ARFGEF3: variants seen among roughly 807,000 people sequenced by gnomAD.
The protein encoded by ARFGEF3 is brefeldin A-inhibited guanine nucleotide-exchange protein 3.
In ARFGEF3, 96 loss-of-function variants were observed where a neutral mutation model predicts 221.7. The ratio of observed to expected loss-of-function variants is 0.43; its 90% CI spans 0.37 to 0.51. The LOEUF (loss-of-function observed/expected upper bound fraction) is 0.51, where lower values mean the gene tolerates loss of function less well. ARFGEF3 is among the 20% of genes least tolerant of loss of function. The pLI is 0.00. For missense variants in ARFGEF3, 2,410 were observed against 2,789.9 expected, an observed-to-expected ratio of 0.86 and a Z score of 3.07; for synonymous variants, 1,145 against 1,126.8, an observed-to-expected ratio of 1.02 and a Z score of -0.32.
intron 4 of ARFGEF3, chr6:138,217,940 T>C (rs1242878479): frequency 6.5e-7 from 1 of 1,542,684 alleles, no homozygotes; most frequent in Non-Finnish European, 8.7e-7. Context: ...AATTGCCTTT[T>C]CAACCATTTT....
chr6:138,261,404 G>A, intron 10 of ARFGEF3, 123 bp from the exon 11 acceptor site: 1 of 527,706 alleles, frequency 1.9e-6, no homozygotes, highest in Non-Finnish European at 3.4e-6. Flanking sequence ...AAATAATTCT[G>A]TTTCTCCTTA....
intron 22 of ARFGEF3, among the ~76,000 whole-genome samples, chr6:138,299,198 TAAA>T (rs60475752): frequency 2.5e-5 from 1 of 39,424 alleles, no homozygotes; most frequent in African/African-American, 6.4e-5. Context: ...CGAGACTCTG[TAAA>T]AAAAAAAAAA....
intron 9 of ARFGEF3, 139 bp from the exon 10 acceptor site, chr6:138,255,297 A>C (rs781280779): frequency 2.9e-5 from 17 of 593,966 alleles, no homozygotes; most frequent in Non-Finnish European, 3.8e-5. Context: ...AGAGACTTAG[A>C]AAACAGGCAA....
At position 138,255,662 on chromosome 6, in the gene ARFGEF3, G is replaced by T. The variant is rs562640168; in HGVS notation, c.997G>T (p.Val333Leu). ...YYIAAELVRL[V>L]GSVDSMKPVL... The stretch of plus-strand genomic sequence containing the variant: ...CATCGCAGCCGAGCTGGTCCGGCTG[G>T]TGGGGTCTGTGGACTCCATGAAGCC... Residue 333 changes from valine (V) to leucine (L), a missense_variant, in exon 10 of 34, where the codon GTG becomes TTG. This residue lies in a region of ARFGEF3 where 570 missense variants were observed against 586.9 expected (regional missense o/e 0.97). Transcript: ENST00000251691. The T allele has an allele frequency of 1.2e-6, 2 of 1,613,720 alleles. No homozygotes were observed. Among genetic ancestry groups the T allele is most frequent in the East Asian group, 2.2e-5 (1 of 44,876 alleles).
chr6:138,189,769 G>A (rs1404287847), intron 2 of ARFGEF3, among the ~76,000 whole-genome samples: 1 of 152,074 alleles, frequency 6.6e-6, no homozygotes, highest in Non-Finnish European at 1.5e-5. Context: ...CCTCTTTGAA[G>A]CTTTGGTCTC....
Position 138,313,864 on chromosome 6 carries a change from C to T in ARFGEF3, c.4270C>T (p.Arg1424Ter). The change falls in exon 26 of 34, where the codon CGA (arginine) becomes TGA (stop). Residue 1424 changes from arginine to a stop codon, truncating the protein, a stop_gained. Transcript: ENST00000251691. LOFTEE classifies it high-confidence loss of function. ...TAGTGGGAGACTTGCCGGCTTGCCT[C>T]GAAGACTTCAGGAACAGTCAGCCAG... Reference protein sequence around the residue: ...FLSGRLAGLPRRLQEQSASSE... With the variant: ...FLSGRLAGLP The T allele has an allele frequency of 6.2e-7, 1 of 1,613,888 alleles. No homozygotes were observed. The highest frequency in any genetic ancestry group is 8.5e-7 in the Non-Finnish European group (1 of 1,179,852).
At position 138,320,943 on chromosome 6, in the gene ARFGEF3, G is replaced by C. The variant is rs535581900; in HGVS notation, c.4652-168G>C. Among the ~76,000 whole-genome samples, 35 of 23,794 alleles carry C rather than the reference G, an allele frequency of 1.5e-3. No homozygotes were observed. The East Asian group carries it at 0.018, about 12-fold the overall frequency. 15.6% of individuals were successfully genotyped at this position (23,794 alleles called of 152,430 possible). A position where few individuals can be genotyped will look rare whatever the true frequency, so the allele number is the denominator to read the frequency against. On this transcript the variant is annotated intron_variant, in intron 28 of 33. Coordinates refer to ENST00000251691, the MANE Select transcript of ARFGEF3 (RefSeq NM_020340.5). ...GAAAATTATTGTTTTACTGGGTTTT[G>C]GCGGGGGGGGGCAGGAGGAGGATAT... is the stretch of plus-strand genomic sequence containing the variant.
intron 5 of ARFGEF3, 135 bp downstream of exon 5, chr6:138,229,987 G>A (rs1778160636): frequency 1.3e-6 from 1 of 745,920 alleles, no homozygotes; most frequent in Non-Finnish European, 2.3e-6. Flanking sequence ...TTTCCGCTAA[G>A]GAATTGATCT....
At chr6:138,270,947 G>A (rs537635047) in intron 12 of ARFGEF3, among the ~76,000 whole-genome samples, 4 of 152,318 alleles carry the variant, frequency 2.6e-5, no homozygotes, top group African/African-American at 9.6e-5. Flanking sequence ...AGGCATTGGG[G>A]TGAAGAGGAA....
chr6:138,248,708 C>A (rs1778529751), intron 8 of ARFGEF3, among the ~76,000 whole-genome samples: 1 of 152,162 alleles, frequency 6.6e-6, no homozygotes, highest in East Asian at 1.9e-4. Flanking sequence ...TGCCTGTAAT[C>A]CCAGCTACTA....
chr6:138,222,281 A>T (rs935179556), intron 4 of ARFGEF3, among the ~76,000 whole-genome samples: 1 of 152,182 alleles, frequency 6.6e-6, no homozygotes, highest in African/African-American at 2.4e-5. Context: ...AAACAAACTT[A>T]TAATGTTTTA....
At chr6:138,175,635 C>T (rs1776930740) in intron 2 of ARFGEF3, among the ~76,000 whole-genome samples, 1 of 152,196 alleles carries the variant, frequency 6.6e-6, no homozygotes, top group African/African-American at 2.4e-5. Flanking sequence ...GTCACTGATT[C>T]CATCATAGCT....
At chr6:138,283,116 C>G (rs1779227608) in intron 14 of ARFGEF3, among the ~76,000 whole-genome samples, 1 of 151,992 alleles carries the variant, frequency 6.6e-6, no homozygotes, top group Non-Finnish European at 1.5e-5. Flanking sequence ...TTTAGTTTAC[C>G]TAAAGCAATG....
At chr6:138,182,512 A>G (rs1777096637) in intron 2 of ARFGEF3, among the ~76,000 whole-genome samples, 1 of 152,256 alleles carries the variant, frequency 6.6e-6, no homozygotes, top group African/African-American at 2.4e-5. Context: ...CAGTTGTCCT[A>G]TATTCAGACT....
rs943207900 is a variant in ARFGEF3 at position 138,343,204 on chromosome 6, G to A, written c.*6718G>A. On this transcript the variant is annotated 3_prime_UTR_variant, in exon 34 of 34. Transcript: ENST00000251691. ...CAGAGAATGATTTAAGAAAAAACAA[G>A]TCACTTAAAAATCATCACCTATTTA... 6.6e-5 allele frequency: 10 copies of A among 151,964 alleles called. No homozygotes were observed. The highest frequency in any genetic ancestry group is 2.4e-4 in the African/African-American group (10 of 41,376). 9.4% of individuals were successfully genotyped at this position (151,964 alleles called of 1,614,324 possible).
intron 17 of ARFGEF3, among the ~76,000 whole-genome samples, chr6:138,288,238 G>A (rs572437309): frequency 2.0e-4 from 30 of 152,004 alleles, no homozygotes; most frequent in African/African-American, 6.0e-4. Context: ...ACAGAAATTA[G>A]CCAGGCATGG....
In ARFGEF3 at chr6:138,335,000, G is replaced by C. The variant is rs1193027929; in HGVS notation, c.6154G>C (p.Glu2052Gln). The change falls in exon 33 of 34, where the codon GAG becomes CAG. Residue 2052 changes from glutamate to glutamine, a missense_variant. Glu to Gln is a conservative substitution (Grantham distance 29, BLOSUM62 2). Coordinates refer to ENST00000251691, the MANE Select transcript of ARFGEF3 (RefSeq NM_020340.5). This position sits in a 1 kb window ranked among gnomAD's most constrained non-coding sequence, Gnocchi z 5.1. Reference protein sequence around the residue: ...PKEVKVEKKGEPLGPRGQDSP... With the variant: ...PKEVKVEKKGQPLGPRGQDSP... The stretch of plus-strand genomic sequence containing the variant: ...AGAGGTCAAAGTGGAGAAGAAAGGA[G>C]AGCCACTGGGTCCCAGGGGCCAGGA... 2.5e-6 allele frequency: 4 copies of C among 1,586,580 alleles called. No individual in the cohort carries two copies. Among genetic ancestry groups the C allele is most frequent in the Non-Finnish European group, 3.4e-6 (4 of 1,167,184 alleles).
rs1457616634 is a variant in ARFGEF3 at position 138,335,191 on chromosome 6, A to G, written c.6342+3A>G. 3.3e-6 allele frequency: 5 copies of G among 1,528,398 alleles called. No individual in the cohort carries two copies. The highest frequency in any genetic ancestry group is 2.8e-5 in the African/African-American group (2 of 72,178). The allele number at this position is 1,528,398 out of a possible 1,614,324, so 94.7% of individuals were successfully genotyped here. On this transcript the variant is annotated splice_donor_region_variant and intron_variant, in intron 33 of 33. Coordinates refer to ENST00000251691, the MANE Select transcript of ARFGEF3 (RefSeq NM_020340.5). ...GAGACGCAGAAGCACAGATCCAGGT[A>G]CATCCCTGTGGCCACAGCAGGTGGG...
In ARFGEF3 at chr6:138,317,292, G is replaced by A. The variant is rs1255461168; in HGVS notation, c.4387G>A (p.Ala1463Thr). Residue 1463 changes from alanine (A) to threonine (T), a missense_variant, in exon 27 of 34, where the codon GCG (alanine) becomes ACG (threonine). Transcript: ENST00000251691. ...VWIILLEQLT[A>T]AVSNCPRQHQ... is the part of the protein sequence containing the mutation. ...GATAATCCTGCTGGAGCAGCTGACAGCGGCTGTGTCCAATTGTCCACGGCA... is the reference window on the plus strand; with the variant it reads ...GATAATCCTGCTGGAGCAGCTGACAACGGCTGTGTCCAATTGTCCACGGCA... The A allele has an allele frequency of 1.2e-6, 2 of 1,613,890 alleles. No homozygotes were observed. The highest frequency in any genetic ancestry group is 1.3e-5 in the African/African-American group (1 of 74,934).
Sources: gnomAD v4.1 joint callset for allele counts (sites outside exome capture counted in the v4.1 genomes callset) on GRCh38, gnomAD v4.1.1 for gene constraint, gnomAD v4.1.1 regional missense constraint, Gnocchi (gnomAD v3.1) non-coding constraint, MANE v1.5 for transcripts, NCBI Gene and HGNC (gene_info 2026-07-23, HGNC 2026-07-21) for gene names.